Variants in SWAP70 observed in about 807,000 individuals in gnomAD.
The protein encoded by SWAP70 is switching B cell complex subunit SWAP70, also known as switch-associated protein 70.
Under a neutral mutation model 80.2 loss-of-function variants are expected in SWAP70, and 34 were observed. That is an observed-to-expected ratio of 0.42 (90% confidence interval 0.32 to 0.56). SWAP70 has a LOEUF of 0.56. SWAP70 is among the 20% of genes least tolerant of loss of function. SWAP70 has a pLI of 0.09. For missense variants in SWAP70, 578 were observed against 690.7 expected, an observed-to-expected ratio of 0.84 and a Z score of 1.83; for synonymous variants, 239 against 238.5, an observed-to-expected ratio of 1.00 and a Z score of -0.02.
At chr11:9,710,036 GTCT>G (rs780227500) in intron 2 of SWAP70, among the ~76,000 whole-genome samples, 1 of 152,110 alleles carries the variant, frequency 6.6e-6, no homozygotes, top group Non-Finnish European at 1.5e-5. Flanking sequence ...TATCCTCATT[GTCT>G]TCTTGTTGAG....
At chr11:9,671,511 AAT>A (rs752684065) in intron 1 of SWAP70, among the ~76,000 whole-genome samples, 1,025 of 82,996 alleles carry the variant, frequency 0.012, 12 homozygotes, top group Middle Eastern at 0.065. Flanking sequence ...AATATATATA[AAT>A]ATATATATAA....
At chr11:9,675,326 A>AGAGACAGAGG (rs1850476247) in intron 1 of SWAP70, among the ~76,000 whole-genome samples, 2 of 28,620 alleles carry the variant, frequency 7.0e-5, no homozygotes, top group Non-Finnish European at 6.9e-4. Flanking sequence ...GGAGCGAGAG[A>AGAGACAGAGG]GAGAGAGAGA....
At chr11:9,674,026 A>G (rs1487538379) in intron 1 of SWAP70, among the ~76,000 whole-genome samples, 1 of 152,114 alleles carries the variant, frequency 6.6e-6, no homozygotes, top group East Asian at 1.9e-4. Flanking sequence ...CAGCCTCCCA[A>G]GTAGCTGGGG....
At chr11:9,668,706 G>C (rs1565108122) in intron 1 of SWAP70, among the ~76,000 whole-genome samples, 1 of 152,136 alleles carries the variant, frequency 6.6e-6, no homozygotes, top group African/African-American at 2.4e-5. Flanking sequence ...TAATTGATTT[G>C]TTAAACAGCA....
intron 1 of SWAP70, among the ~76,000 whole-genome samples, chr11:9,690,232 C>T (rs1850679394): frequency 6.6e-6 from 1 of 152,076 alleles, no homozygotes; most frequent in African/African-American, 2.4e-5. Context: ...CTTCTTTTTA[C>T]TAGTTTATAT....
chr11:9,744,560 C>T (rs1305234708), intron 9 of SWAP70, among the ~76,000 whole-genome samples: 1 of 152,164 alleles, frequency 6.6e-6, no homozygotes, highest in Non-Finnish European at 1.5e-5. Flanking sequence ...TGAAGGTGAT[C>T]TAGCCACTTC....
At chr11:9,698,093 G>GTTTTTTTTTTTTT (rs201181416) in intron 2 of SWAP70, among the ~76,000 whole-genome samples, 2 of 109,584 alleles carry the variant, frequency 1.8e-5, no homozygotes, top group Non-Finnish European at 1.8e-5. Flanking sequence ...GCCAATACAT[G>GTTTTTTTTTTTTT]TTTTTTGTTT....
intron 6 of SWAP70, among the ~76,000 whole-genome samples, chr11:9,729,810 G>A (rs1851273675): frequency 6.6e-6 from 1 of 152,080 alleles, no homozygotes. Context: ...TGACTTTCTA[G>A]TTTTGAATCT....
At chr11:9,671,682 AT>A (rs1850402013) in intron 1 of SWAP70, among the ~76,000 whole-genome samples, 1 of 110,346 alleles carries the variant, frequency 9.1e-6, no homozygotes, top group Non-Finnish European at 1.7e-5. Context: ...ATAAATAGAA[AT>A]ATATAAATAT....
At chr11:9,727,006 T>C (rs990755776) in intron 4 of SWAP70, 7 of 455,712 alleles carry the variant, frequency 1.5e-5, no homozygotes, top group African/African-American at 1.2e-4. Flanking sequence ...TTAGAAGATA[T>C]ATGTGGCCAA....
chr11:9,699,015 AG>A (rs1446446876), intron 2 of SWAP70, among the ~76,000 whole-genome samples: 2 of 151,846 alleles, frequency 1.3e-5, no homozygotes, highest in African/African-American at 4.9e-5. Context: ...TCGGAAAAAA[AG>A]GAAGAAAAAC....
At chr11:9,708,965 G>C (rs911980813) in intron 2 of SWAP70, among the ~76,000 whole-genome samples, 11 of 152,188 alleles carry the variant, frequency 7.2e-5, no homozygotes, top group African/African-American at 2.7e-4. Context: ...TTGTACAGCA[G>C]CATGATCACA....
intron 2 of SWAP70, among the ~76,000 whole-genome samples, chr11:9,712,069 C>T (rs955400997): frequency 1.3e-5 from 2 of 152,122 alleles, no homozygotes; most frequent in African/African-American, 4.8e-5. Context: ...CTCTGTTGTC[C>T]TGTCACTCTT....
chr11:9,687,155 A>G (rs1421859475), intron 1 of SWAP70, among the ~76,000 whole-genome samples: 1 of 152,248 alleles, frequency 6.6e-6, no homozygotes, highest in Non-Finnish European at 1.5e-5. Flanking sequence ...CCGTGTAGAA[A>G]TAAGGAACCC....
intron 1 of SWAP70, among the ~76,000 whole-genome samples, chr11:9,671,633 T>G (rs1308304738): frequency 2.1e-5 from 2 of 94,734 alleles, no homozygotes; most frequent in Non-Finnish European, 3.8e-5. Context: ...TATAAATATA[T>G]AAATATTTCT....
chr11:9,676,479 G>A (rs1850501994), intron 1 of SWAP70, among the ~76,000 whole-genome samples: 1 of 151,976 alleles, frequency 6.6e-6, no homozygotes, highest in Admixed American at 6.6e-5. Flanking sequence ...ATATAAAATG[G>A]CATAATATTT....
intron 5 of SWAP70, 146 bp from the exon 6 acceptor site, chr11:9,729,197 A>T: frequency 1.6e-6 from 1 of 632,190 alleles, no homozygotes; most frequent in South Asian, 2.0e-5. Context: ...TAATGTGCTT[A>T]GGAAACAGCA....
At chr11:9,703,826 T>TA (rs1850864608) in intron 2 of SWAP70, among the ~76,000 whole-genome samples, 1 of 152,204 alleles carries the variant, frequency 6.6e-6, no homozygotes, top group East Asian at 1.9e-4. Flanking sequence ...CTGAATAAGA[T>TA]ATGGCCTTTG....
intron 1 of SWAP70, among the ~76,000 whole-genome samples, chr11:9,667,104 A>G (rs558914129): frequency 2.7e-4 from 41 of 151,348 alleles, no homozygotes; most frequent in African/African-American, 9.0e-4. Flanking sequence ...AGCTCAGGCA[A>G]TTTAACCAAC....
Sources: allele counts gnomAD v4.1 joint callset (sites outside exome capture counted in the v4.1 genomes callset), GRCh38; gene constraint gnomAD v4.1.1; transcripts MANE v1.5; gene names NCBI Gene and HGNC (gene_info 2026-07-23, HGNC 2026-07-21).